Variants in POLA1 observed in about 807,000 individuals in gnomAD.
POLA1 encodes the protein DNA polymerase alpha catalytic subunit.
A neutral mutation model predicts 124.0 loss-of-function variants in POLA1; 15 were observed. The observed-to-expected ratio is 0.12, with a 90% CI of 0.08 to 0.19. The LOEUF (loss-of-function observed/expected upper bound fraction) is 0.19, where lower values mean the gene tolerates loss of function less well. Among genes scored for constraint, POLA1 ranks in the 10% least tolerant of loss-of-function variants. POLA1 has a pLI of 1.00. For synonymous variants in POLA1, 408 were observed against 389.4 expected (o/e 1.05, Z -0.56); for missense variants, 886 against 1,103.4 (o/e 0.80, Z 2.79).
intron 19 of POLA1, 97 bp downstream of exon 19, chrX:24,737,838 C>A: frequency 2.4e-6 from 1 of 419,967 alleles, no homozygotes; most frequent in Non-Finnish European, 4.2e-6. Flanking sequence ...AATTGGTTAT[C>A]TTGTTATGGG....
intron 26 of POLA1, among the ~76,000 whole-genome samples, chrX:24,761,984 C>A (rs371944155): frequency 8.6e-4 from 97 of 112,202 alleles, no homozygotes; most frequent in African/African-American, 3.0e-3. Flanking sequence ...ACTGAAATGC[C>A]TGAGTATGCA....
At chrX:24,808,221 T>C (rs918935971) in intron 26 of POLA1, among the ~76,000 whole-genome samples, 2 of 112,004 alleles carry the variant, frequency 1.8e-5, no homozygotes, top group African/African-American at 6.5e-5. Flanking sequence ...GCTTGCACCC[T>C]AGGCATGGCC....
chrX:24,974,772 TAACA>T (rs1470912396), intron 36 of POLA1, among the ~76,000 whole-genome samples: 2 of 111,873 alleles, frequency 1.8e-5, no homozygotes, highest in East Asian at 5.6e-4. Flanking sequence ...TGTACCTATG[TAACA>T]AACCTGCACG....
chrX:24,885,674 G>A (rs1443165551), intron 34 of POLA1, among the ~76,000 whole-genome samples: 2 of 111,373 alleles, frequency 1.8e-5, no homozygotes, highest in Non-Finnish European at 3.8e-5. Flanking sequence ...ACAGGCATGT[G>A]CCACCACACT....
chrX:24,932,625 A>G (rs1755980202), intron 36 of POLA1, among the ~76,000 whole-genome samples: 1 of 111,728 alleles, frequency 9.0e-6, no homozygotes, highest in Non-Finnish European at 1.9e-5. Context: ...CGGGGCAAAA[A>G]TGGCATTGAG....
chrX:24,756,658 C>T (rs989904242), intron 26 of POLA1, among the ~76,000 whole-genome samples: 1 of 111,169 alleles, frequency 9.0e-6, no homozygotes, highest in African/African-American at 3.3e-5. Context: ...TGTGAATCCT[C>T]TGAAGTTGTA....
chrX:24,709,517 G>A (rs1229999194), intron 4 of POLA1, among the ~76,000 whole-genome samples: 2 of 109,447 alleles, frequency 1.8e-5, no homozygotes, highest in Non-Finnish European at 3.9e-5. Flanking sequence ...CCCGGACGGG[G>A]TGGCTGCCGG....
intron 36 of POLA1, among the ~76,000 whole-genome samples, chrX:24,986,471 A>AAT (rs916034052): frequency 2.5e-4 from 27 of 106,594 alleles, no homozygotes; most frequent in South Asian, 8.3e-4. Flanking sequence ...TGTCTCTTTA[A>AAT]ATATATATAT....
At chrX:24,906,809 A>C (rs1369679657) in intron 35 of POLA1, among the ~76,000 whole-genome samples, 2 of 112,222 alleles carry the variant, frequency 1.8e-5, no homozygotes, top group Non-Finnish European at 3.8e-5. Context: ...TATAATTACC[A>C]AAGCAAAAAA....
chrX:24,756,424 G>A (rs1006309551), intron 26 of POLA1, among the ~76,000 whole-genome samples: 1 of 109,671 alleles, frequency 9.1e-6, no homozygotes, highest in Non-Finnish European at 1.9e-5. Context: ...TTAGCCGGGC[G>A]TGGTGGCAGG....
At chrX:24,884,781 A>G (rs1175726841) in intron 34 of POLA1, among the ~76,000 whole-genome samples, 1 of 112,364 alleles carries the variant, frequency 8.9e-6, no homozygotes, top group Non-Finnish European at 1.9e-5. Flanking sequence ...TCATTTGTAA[A>G]GGGAGATTAA....
At chrX:24,805,293 C>T (rs931162456) in intron 26 of POLA1, among the ~76,000 whole-genome samples, 5 of 111,435 alleles carry the variant, frequency 4.5e-5, no homozygotes. Context: ...GTATTGCTGA[C>T]TGAAATATCG....
At chrX:24,928,280 C>T (rs779122117) in intron 35 of POLA1, among the ~76,000 whole-genome samples, 1 of 111,757 alleles carries the variant, frequency 8.9e-6, no homozygotes, top group East Asian at 2.8e-4. Flanking sequence ...TTTATTCCTT[C>T]ATGTGGGTTG....
At chrX:24,936,555 G>A (rs566320798) in intron 36 of POLA1, among the ~76,000 whole-genome samples, 170 of 110,828 alleles carry the variant, frequency 1.5e-3, no homozygotes, top group Middle Eastern at 9.2e-3. Context: ...TTTTTGAGAC[G>A]GAGTCTCACT....
intron 35 of POLA1, among the ~76,000 whole-genome samples, chrX:24,906,521 T>TG (rs1219127680): frequency 2.1e-5 from 2 of 97,318 alleles, no homozygotes; most frequent in South Asian, 5.0e-4. Context: ...TTTGGGGACT[T>TG]GGGGGGAAGG....
At chrX:24,809,643 A>G (rs777106653) in intron 26 of POLA1, among the ~76,000 whole-genome samples, 1 of 111,177 alleles carries the variant, frequency 9.0e-6, no homozygotes, top group East Asian at 2.8e-4. Context: ...CATGTTATAG[A>G]GATATTTTAT....
At position 24,995,888 on chromosome X, in the gene POLA1, C is replaced by T. The variant is rs1431419400; in HGVS notation, c.4345C>T (p.Arg1449Ter). Residue 1449 changes from arginine (R) to a stop codon, truncating the protein, a stop_gained, in exon 37 of 37, where the codon CGA becomes TGA. Transcript: ENST00000379068. LOFTEE classifies it high-confidence loss of function. ...LKNTAEQFLS[R>*]SGYSEVNLSK... is the part of the protein sequence containing the mutation. The stretch of plus-strand genomic sequence containing the variant: ...GAACACAGCAGAGCAATTCTTGTCC[C>T]GAAGTGGCTACTCCGAAGTGAATCT... 1 of 1,207,380 alleles carries T rather than the reference C, an allele frequency of 8.3e-7. No individual in the cohort carries two copies. The highest frequency in any genetic ancestry group is 1.8e-5 in the African/African-American group (1 of 56,934).
chrX:24,807,715 G>A (rs1055723046), intron 26 of POLA1, among the ~76,000 whole-genome samples: 6 of 111,595 alleles, frequency 5.4e-5, no homozygotes, highest in Non-Finnish European at 1.1e-4. Flanking sequence ...AGCTAATAAC[G>A]TAAAGCATCA....
intron 15 of POLA1, among the ~76,000 whole-genome samples, chrX:24,732,104 G>A (rs1229193235): frequency 9.0e-6 from 1 of 110,876 alleles, no homozygotes; most frequent in Non-Finnish European, 1.9e-5. Flanking sequence ...ACAGGTGCAC[G>A]CCACCATGCC....
Sources: gnomAD v4.1 joint callset for allele counts (sites outside exome capture counted in the v4.1 genomes callset) on GRCh38, gnomAD v4.1.1 for gene constraint, MANE v1.5 for transcripts, NCBI Gene and HGNC (gene_info 2026-07-23, HGNC 2026-07-21) for gene names.